The following SPIDR variants were observed in gnomAD, a reference collection of about 807,000 sequenced individuals.
SPIDR encodes scaffold protein involved in DNA repair, also known as DNA repair-scaffolding protein.
In SPIDR, 93 loss-of-function variants were observed where a neutral mutation model predicts 104.6. That is an observed-to-expected ratio of 0.89 (90% CI 0.75 to 1.06). The LOEUF is 1.06. SPIDR is among the 50% of genes least tolerant of loss of function. SPIDR has a pLI of 0.00. For missense variants in SPIDR, 1,154 were observed against 1,111.2 expected (o/e 1.04, Z -0.55); for synonymous variants, 431 against 416.9 (o/e 1.03, Z -0.41).
chr8:47,279,814 G>GA, intron 1 of SPIDR, 48 bp from the exon 2 acceptor site: 2 of 1,556,226 alleles, frequency 1.3e-6, no homozygotes, highest in Non-Finnish European at 1.8e-6. Context: ...TAATGAAGTT[G>GA]ATTTTGTTTT....
intron 10 of SPIDR, among the ~76,000 whole-genome samples, chr8:47,659,219 A>G (rs1432824461): frequency 6.6e-6 from 1 of 152,160 alleles, no homozygotes. Flanking sequence ...AGATGACAGC[A>G]CGGTACTCCA....
intron 8 of SPIDR, among the ~76,000 whole-genome samples, chr8:47,459,933 T>C (rs1226392664): frequency 6.6e-6 from 1 of 152,162 alleles, no homozygotes; most frequent in African/African-American, 2.4e-5. Flanking sequence ...TTTCCATGTA[T>C]TTGCATGGTT....
At chr8:47,384,646 G>A (rs1270383275) in intron 5 of SPIDR, among the ~76,000 whole-genome samples, 2 of 152,244 alleles carry the variant, frequency 1.3e-5, no homozygotes, top group East Asian at 1.9e-4. Flanking sequence ...TGCGGGAGGC[G>A]GTTCGCTCTG....
At chr8:47,703,599 C>G (rs1383255187) in intron 14 of SPIDR, among the ~76,000 whole-genome samples, 2 of 152,296 alleles carry the variant, frequency 1.3e-5, no homozygotes, top group East Asian at 3.9e-4. Context: ...GTTTCAGAAA[C>G]CTTTATTTAC....
At chr8:47,384,552 C>A (rs80343235) in intron 5 of SPIDR, among the ~76,000 whole-genome samples, 4,702 of 152,272 alleles carry the variant, frequency 0.031, 204 homozygotes, top group African/African-American at 0.1. Flanking sequence ...AAACATTTTA[C>A]AATTAGGAAA....
chr8:47,402,529 C>T (rs1273706083), intron 6 of SPIDR, among the ~76,000 whole-genome samples: 2 of 152,154 alleles, frequency 1.3e-5, no homozygotes, highest in African/African-American at 4.8e-5. Flanking sequence ...ATATCACCAC[C>T]AGTCCCACAG....
intron 10 of SPIDR, among the ~76,000 whole-genome samples, chr8:47,640,841 CTTTTT>C (rs57405701): frequency 2.6e-3 from 106 of 41,158 alleles, no homozygotes; most frequent in Non-Finnish European, 3.2e-3. Context: ...CCACACCCAG[CTTTTT>C]TTTTTTTTTT....
At chr8:47,669,252 T>C (rs1228625006) in intron 10 of SPIDR, among the ~76,000 whole-genome samples, 3 of 152,212 alleles carry the variant, frequency 2.0e-5, no homozygotes, top group African/African-American at 7.2e-5. Flanking sequence ...CCTGTCACAC[T>C]AGCACTGATT....
At chr8:47,497,451 T>G (rs1318813683) in intron 8 of SPIDR, among the ~76,000 whole-genome samples, 1 of 152,218 alleles carries the variant, frequency 6.6e-6, no homozygotes, top group Non-Finnish European at 1.5e-5. Flanking sequence ...TGTGATTGCT[T>G]CATTGGCCTA....
intron 10 of SPIDR, among the ~76,000 whole-genome samples, chr8:47,600,753 T>C (rs1317353132): frequency 1.3e-5 from 2 of 152,184 alleles, no homozygotes; most frequent in African/African-American, 4.8e-5. Flanking sequence ...ATGACACATA[T>C]CCAGTGTTAG....
intron 5 of SPIDR, among the ~76,000 whole-genome samples, chr8:47,338,207 A>T (rs1554611137): frequency 6.6e-6 from 1 of 152,150 alleles, no homozygotes; most frequent in East Asian, 1.9e-4. Context: ...AAGAGATTAC[A>T]TTCTTGTAAT....
chr8:47,712,494 C>G (rs1198513182), intron 14 of SPIDR, among the ~76,000 whole-genome samples, 168 bp from the exon 15 acceptor site: 2 of 152,194 alleles, frequency 1.3e-5, no homozygotes, highest in Non-Finnish European at 1.5e-5. Context: ...TCGAGGCACC[C>G]AGGGCACATG....
At chr8:47,706,939 G>A (rs1394754911) in intron 14 of SPIDR, among the ~76,000 whole-genome samples, 2 of 151,686 alleles carry the variant, frequency 1.3e-5, no homozygotes, top group African/African-American at 4.8e-5. Flanking sequence ...CCAACATAGT[G>A]AGACTCCGTC....
At chr8:47,500,379 T>A (rs1457258102) in intron 8 of SPIDR, among the ~76,000 whole-genome samples, 10 of 152,264 alleles carry the variant, frequency 6.6e-5, no homozygotes, top group African/African-American at 2.2e-4. Context: ...TGATTTGTAT[T>A]TCTCTGATGG....
chr8:47,274,849 C>T (rs1178866545), intron 1 of SPIDR, among the ~76,000 whole-genome samples: 7 of 150,928 alleles, frequency 4.6e-5, no homozygotes, highest in South Asian at 2.1e-4. Context: ...GCTGGGATTA[C>T]AGGCATGAGC....
intron 8 of SPIDR, among the ~76,000 whole-genome samples, chr8:47,490,139 C>T (rs1386269749): frequency 6.6e-6 from 1 of 152,176 alleles, no homozygotes; most frequent in Non-Finnish European, 1.5e-5. Context: ...CTACAAAGAA[C>T]TCAAACAAAT....
At chr8:47,375,285 A>T (rs1200188714) in intron 5 of SPIDR, among the ~76,000 whole-genome samples, 6 of 107,974 alleles carry the variant, frequency 5.6e-5, no homozygotes, top group Non-Finnish European at 1.0e-4. Flanking sequence ...TCTGTTGCCC[A>T]GGCTGGAGTG....
chr8:47,511,231 C>T (rs1483407656), intron 8 of SPIDR: 2 of 1,589,928 alleles, frequency 1.3e-6, no homozygotes, highest in African/African-American at 1.3e-5. Context: ...CAGCCTCCCA[C>T]CGTCTGCAAG....
intron 7 of SPIDR, among the ~76,000 whole-genome samples, chr8:47,431,192 G>A (rs1212815596): frequency 6.6e-6 from 1 of 152,186 alleles, no homozygotes; most frequent in Non-Finnish European, 1.5e-5. Flanking sequence ...TCCCGTGTGT[G>A]TGCATGGAAA....
Sources: allele counts gnomAD v4.1 joint callset (sites outside exome capture counted in the v4.1 genomes callset), GRCh38; gene constraint gnomAD v4.1.1; transcripts MANE v1.5; gene names NCBI Gene and HGNC (gene_info 2026-07-23, HGNC 2026-07-21).